NKAIN2: variants seen among roughly 807,000 people sequenced by gnomAD.
The protein encoded by NKAIN2 is sodium/potassium transporting ATPase interacting 2, also known as sodium/potassium-transporting ATPase subunit beta-1-interacting protein 2.
A neutral mutation model predicts 32.6 loss-of-function variants in NKAIN2; 14 were observed. The ratio of observed to expected loss-of-function variants is 0.43; its 90% CI spans 0.28 to 0.67. The LOEUF (loss-of-function observed/expected upper bound fraction) is 0.67. Among genes scored for constraint, NKAIN2 ranks in the 30% least tolerant of loss-of-function variants. The pLI is 0.17. For synonymous variants in NKAIN2, 80 were observed against 87.2 expected, an observed-to-expected ratio of 0.92 and a Z score of 0.46; for missense variants, 198 against 258.3, an observed-to-expected ratio of 0.77 and a Z score of 1.60.
intron 4 of NKAIN2, among the ~76,000 whole-genome samples, chr6:124,700,409 A>G (rs1427831166): frequency 2.6e-5 from 4 of 152,172 alleles, no homozygotes; most frequent in African/African-American, 4.8e-5. Context: ...CTTTTTGCCA[A>G]AGCAAGAGGT....
intron 4 of NKAIN2, among the ~76,000 whole-genome samples, chr6:124,720,382 G>A (rs1775955042): frequency 6.6e-6 from 1 of 152,032 alleles, no homozygotes; most frequent in African/African-American, 2.4e-5. Context: ...CTGAGTATTA[G>A]GATGCTTGAT....
intron 3 of NKAIN2, among the ~76,000 whole-genome samples, chr6:124,563,941 G>A (rs1269305876): frequency 6.6e-6 from 1 of 152,158 alleles, no homozygotes; most frequent in Non-Finnish European, 1.5e-5. Flanking sequence ...CATTATGCCA[G>A]CACATAGGTC....
chr6:124,399,530 C>T lies in NKAIN2; in HGVS notation c.273+44183C>T, dbSNP rs562588773. Among the ~76,000 whole-genome samples, 9 of 152,252 alleles carry T rather than the reference C, an allele frequency of 5.9e-5. No individual in the cohort carries two copies. In the South Asian group the frequency reaches 1.0e-3, roughly 18 times the overall value. On this transcript the variant is annotated intron_variant, in intron 3 of 6. Transcript: ENST00000368417. ...ATTCAAGTTTCCATGGGTGAAAACT[C>T]CCATGTGGCCTACAGATGACAGGTG...
intron 3 of NKAIN2, among the ~76,000 whole-genome samples, chr6:124,518,823 G>A (rs933769332): frequency 1.3e-5 from 2 of 152,132 alleles, no homozygotes; most frequent in African/African-American, 4.8e-5. Context: ...ATGAGCAAGA[G>A]GAACAAATTG....
intron 1 of NKAIN2, among the ~76,000 whole-genome samples, chr6:124,034,727 A>G (rs1781537570): frequency 2.0e-5 from 3 of 152,118 alleles, no homozygotes; most frequent in African/African-American, 7.2e-5. Flanking sequence ...ACTAATTTAC[A>G]TTCCCTCCAA....
At chr6:124,450,972 A>G (rs989793760) in intron 3 of NKAIN2, among the ~76,000 whole-genome samples, 1 of 152,120 alleles carries the variant, frequency 6.6e-6, no homozygotes, top group Non-Finnish European at 1.5e-5. Flanking sequence ...CATAAGGACT[A>G]TTTAACCCAG....
chr6:124,685,263 A>C (rs1445330981), intron 4 of NKAIN2, among the ~76,000 whole-genome samples: 1 of 152,186 alleles, frequency 6.6e-6, no homozygotes, highest in Non-Finnish European at 1.5e-5. Flanking sequence ...TTTTCTACCT[A>C]TTTTAGTTTC....
At chr6:124,072,288 A>C (rs1277550454) in intron 1 of NKAIN2, among the ~76,000 whole-genome samples, 1 of 152,112 alleles carries the variant, frequency 6.6e-6, no homozygotes, top group Admixed American at 6.6e-5. Flanking sequence ...GTGCTCATGG[A>C]CATAAAGATG....
At chr6:123,994,726 T>G (rs1779547239) in intron 1 of NKAIN2, among the ~76,000 whole-genome samples, 1 of 152,214 alleles carries the variant, frequency 6.6e-6, no homozygotes, top group South Asian at 2.1e-4. Context: ...CATTAAAGTT[T>G]GATTTACTGT....
At chr6:124,701,177 A>ACC (rs35182224) in intron 4 of NKAIN2, among the ~76,000 whole-genome samples, 4 of 150,744 alleles carry the variant, frequency 2.7e-5, no homozygotes, top group Admixed American at 2.0e-4. Flanking sequence ...ACACACACAC[A>ACC]CCGGATGACA....
chr6:124,519,914 G>A (rs547905061), intron 3 of NKAIN2, among the ~76,000 whole-genome samples: 87 of 152,200 alleles, frequency 5.7e-4, no homozygotes, highest in Middle Eastern at 3.4e-3. Flanking sequence ...GCCCAGTACC[G>A]TAATAGACTC....
chr6:124,138,732 T>C (rs1582719177), intron 1 of NKAIN2, among the ~76,000 whole-genome samples: 1 of 147,690 alleles, frequency 6.8e-6, no homozygotes, highest in African/African-American at 2.5e-5. Context: ...ATTATATATG[T>C]ATATGATGGA....
intron 2 of NKAIN2, among the ~76,000 whole-genome samples, chr6:124,288,218 A>C (rs1795650235): frequency 6.6e-6 from 1 of 152,184 alleles, no homozygotes; most frequent in Non-Finnish European, 1.5e-5. Context: ...CTCATATGGA[A>C]AGGAAATAGT....
intron 3 of NKAIN2, among the ~76,000 whole-genome samples, chr6:124,540,573 T>C (rs940052589): frequency 6.6e-6 from 1 of 152,224 alleles, no homozygotes; most frequent in Non-Finnish European, 1.5e-5. Context: ...TGTACTACTA[T>C]GCAATAGCAT....
At chr6:123,822,342 T>C (rs1773960455) in intron 1 of NKAIN2, among the ~76,000 whole-genome samples, 1 of 152,350 alleles carries the variant, frequency 6.6e-6, no homozygotes, top group South Asian at 2.1e-4. Flanking sequence ...GTTTTGCTAT[T>C]AGAATTATAC....
At chr6:124,093,262 G>A (rs1309325135) in intron 1 of NKAIN2, among the ~76,000 whole-genome samples, 2 of 152,092 alleles carry the variant, frequency 1.3e-5, no homozygotes, top group African/African-American at 4.8e-5. Flanking sequence ...CTCCTCTGCA[G>A]TTACGGAGAA....
intron 1 of NKAIN2, among the ~76,000 whole-genome samples, chr6:124,060,499 C>T (rs1205360155): frequency 6.6e-6 from 1 of 152,150 alleles, no homozygotes; most frequent in Non-Finnish European, 1.5e-5. Flanking sequence ...TTAGCAGATA[C>T]AAGCAGAAAG....
chr6:124,160,185 G>A (rs1471903863), intron 1 of NKAIN2, among the ~76,000 whole-genome samples: 2 of 152,064 alleles, frequency 1.3e-5, no homozygotes, highest in Non-Finnish European at 2.9e-5. Flanking sequence ...CAGTGAAAAA[G>A]GGACAGAGCT....
intron 1 of NKAIN2, among the ~76,000 whole-genome samples, chr6:124,007,256 T>G (rs1037737841): frequency 2.6e-5 from 4 of 152,194 alleles, no homozygotes; most frequent in African/African-American, 9.7e-5. Context: ...CACCTTTATA[T>G]ATGAGGTCCC....
Sources: gnomAD v4.1 joint callset for allele counts (sites outside exome capture counted in the v4.1 genomes callset) on GRCh38, gnomAD v4.1.1 for gene constraint, MANE v1.5 for transcripts, NCBI Gene and HGNC (gene_info 2026-07-23, HGNC 2026-07-21) for gene names.